The following CERS1 variants were observed in gnomAD, a reference collection of about 807,000 sequenced individuals.
CERS1 encodes ceramide synthase 1.
In CERS1, 16 loss-of-function variants were observed where a neutral mutation model predicts 35.7. That is an observed-to-expected ratio of 0.45 (90% CI 0.30 to 0.68). CERS1 has a LOEUF of 0.68. Among genes scored for constraint, CERS1 ranks in the 30% least tolerant of loss-of-function variants. CERS1 has a pLI of 0.08. For synonymous variants in CERS1, 243 were observed against 201.6 expected (o/e 1.21, Z -1.74); for missense variants, 454 against 453.9 (o/e 1.00, Z 0.00).
At position 18,886,405 on chromosome 19, in the gene CERS1, C is replaced by T. The variant is rs1047834333; in HGVS notation, c.410-2138G>A. ...TCTACTAAAAATACAAAAAATTAGC[C>T]GGGTGTGGTGGTGGGCGCCTGTGGT... is the stretch of plus-strand genomic sequence containing the variant. On this transcript the variant is annotated intron_variant, in intron 2 of 7. Coordinates refer to ENST00000623882, the MANE Select transcript of CERS1 (RefSeq NM_021267.5). Among the ~76,000 whole-genome samples the T allele has an allele frequency of 3.3e-5, 5 of 152,074 alleles. 1 individual carries two copies. The highest frequency in any genetic ancestry group is 3.4e-3 in the Middle Eastern group (1 of 294).
rs1344026515 is a variant in CERS1, at chr19:18,869,160, A to G, written c.*825T>C. The G allele has an allele frequency of 3.5e-6, 4 of 1,136,334 alleles. No homozygotes were observed. The Admixed American group carries it at 2.0e-4, about 57-fold the overall frequency. The allele number at this position is 1,136,334 out of a possible 1,614,324, so 70.4% of individuals were successfully genotyped here. On this transcript the variant is annotated 3_prime_UTR_variant, in exon 8 of 8. Transcript: ENST00000623882. Reference sequence around the variant, plus strand: ...ACTGGCGGCCCCAGGGCGGGCACCAACTGGCGGAGCAGCACCGGCCCGGGG... The same window carrying G: ...ACTGGCGGCCCCAGGGCGGGCACCAGCTGGCGGAGCAGCACCGGCCCGGGG...
At chr19:18,896,926 G>GT (rs950031647), upstream of CERS1, among the ~76,000 whole-genome samples, 38 of 141,106 alleles carry the variant, frequency 2.7e-4, no homozygotes, top group Admixed American at 5.7e-4. This position sits in a 1 kb window ranked among gnomAD's most constrained non-coding sequence, Gnocchi z 5.9. Context: ...GGGGAACCCG[G>GT]GGGGGGGGCT....
chr19:18,888,536 A>C (rs796537422), intron 2 of CERS1, among the ~76,000 whole-genome samples: 76 of 148,654 alleles, frequency 5.1e-4, no homozygotes, highest in African/African-American at 7.3e-4. Flanking sequence ...AAAAAAAAAA[A>C]AAAAAAAAAA....
intron 6 of CERS1, among the ~76,000 whole-genome samples, chr19:18,874,908 C>G (rs528697229): frequency 6.6e-6 from 1 of 152,274 alleles, no homozygotes; most frequent in African/African-American, 2.4e-5. Context: ...AAGTGGTTCT[C>G]GGTCTTGGTT....
chr19:18,890,809 T>TAAAGGC (rs1385713609), intron 2 of CERS1, among the ~76,000 whole-genome samples: 87 of 128,482 alleles, frequency 6.8e-4, no homozygotes, highest in African/African-American at 2.5e-3. Context: ...AAAAAGCAGC[T>TAAAGGC]AAAGGCAAGT....
rs1290308697 is a variant in CERS1, at chr19:18,893,549, C to T, written c.276G>A (p.Gln92=). The T allele has an allele frequency of 3.1e-6, 5 of 1,610,408 alleles. No individual in the cohort carries two copies. The highest frequency in any genetic ancestry group is 4.2e-6 in the Non-Finnish European group (5 of 1,178,768). ...FRPLAKRCCL[Q]PRDAAKMPES... ...CGGGCATCTTGGCGGCATCTCTGGG[C>T]TGGAGGCAGCACCGCTTCGCCAGGG... The change falls in exon 2 of 8, where the codon CAG becomes CAA. Residue 92 remains glutamine, a synonymous_variant. Coordinates refer to ENST00000623882, the MANE Select transcript of CERS1 (RefSeq NM_021267.5).
At chr19:18,871,422 A>G (rs1011187221) in intron 6 of CERS1, among the ~76,000 whole-genome samples, 4 of 151,364 alleles carry the variant, frequency 2.6e-5, no homozygotes, top group Non-Finnish European at 4.4e-5. Context: ...GGGTTTCACC[A>G]TATCACCCAA....
chr19:18,879,133 G>C, intron 5 of CERS1, 94 bp from the exon 6 acceptor site: 1 of 1,586,762 alleles, frequency 6.3e-7, no homozygotes, highest in East Asian at 2.3e-5. Context: ...CCCTCCACAC[G>C]GGCTGTCTGC....
Position 18,880,337 on chromosome 19 carries a change from CCGCCGCGGGA to C in CERS1, c.679_688del (p.Ser227AlafsTer65). 1 of 1,556,136 alleles carries C rather than the reference CCGCCGCGGGA, an allele frequency of 6.4e-7. No individual in the cohort carries two copies. Among genetic ancestry groups the C allele is most frequent in the Non-Finnish European group, 8.7e-7 (1 of 1,149,998 alleles). On this transcript the variant is annotated frameshift_variant, in exon 4 of 8. Coordinates refer to ENST00000623882, the MANE Select transcript of CERS1 (RefSeq NM_021267.5). LOFTEE classifies it high-confidence loss of function. The stretch of plus-strand genomic sequence containing the variant: ...CAAGGCATGCAGCCGATGGTAGGAG[CCGCCGCGGGA>C]CTTGAAGTAAATGTTGAGCTTGGTG...
At chr19:18,879,470 A>G in intron 4 of CERS1, 82 bp from the exon 5 acceptor site, 1 of 1,481,318 alleles carries the variant, frequency 6.8e-7, no homozygotes, top group Non-Finnish European at 9.1e-7. Flanking sequence ...TCCTAGACCC[A>G]CCCTTGCCCC....
chr19:18,875,836 T>C (rs73923175), intron 6 of CERS1, among the ~76,000 whole-genome samples: 13,886 of 152,130 alleles, frequency 0.091, 773 homozygotes, highest in Middle Eastern at 0.13. Flanking sequence ...ACTGGAGCAA[T>C]GCAGCCATAA....
At chr19:18,871,562 A>G (rs987717561) in intron 6 of CERS1, among the ~76,000 whole-genome samples, 1 of 152,012 alleles carries the variant, frequency 6.6e-6, no homozygotes. Flanking sequence ...TGAGGTCGCT[A>G]TGTTGTAGAG....
Position 18,868,941 on chromosome 19 carries a change from A to G in CERS1, c.*1044T>C. 7.9e-7 allele frequency: 1 copy of G among 1,269,468 alleles called. No homozygotes were observed. Among genetic ancestry groups the G allele is most frequent in the Non-Finnish European group, 1.0e-6 (1 of 1,001,650 alleles). 78.6% of individuals were successfully genotyped at this position (1,269,468 alleles called of 1,614,324 possible). On this transcript the variant is annotated 3_prime_UTR_variant, in exon 8 of 8. Coordinates refer to ENST00000623882, the MANE Select transcript of CERS1 (RefSeq NM_021267.5). The stretch of plus-strand genomic sequence containing the variant: ...CAAGCGCCCCCGGGGCCGCCGCCCA[A>G]CACGGGTTCGGCGTCGCGCCGCGGC...
At chr19:18,888,842 CAACA>C (rs1232064035) in intron 2 of CERS1, among the ~76,000 whole-genome samples, 1 of 150,454 alleles carries the variant, frequency 6.6e-6, no homozygotes, top group Non-Finnish European at 1.5e-5. Flanking sequence ...AAAAAACAAA[CAACA>C]AACAAACAAA....
At chr19:18,888,320 C>T (rs1436537665) in intron 2 of CERS1, among the ~76,000 whole-genome samples, 2 of 151,628 alleles carry the variant, frequency 1.3e-5, no homozygotes, top group Non-Finnish European at 2.9e-5. Context: ...GATGGTGCCA[C>T]CGCACTCCAG....
chr19:18,872,714 CCA>C (rs2055996409), intron 6 of CERS1, among the ~76,000 whole-genome samples: 3 of 62,776 alleles, frequency 4.8e-5, no homozygotes, highest in African/African-American at 1.9e-4. Flanking sequence ...TGCGGTTTTA[CCA>C]TGTTGGCCAG....
Position 18,896,005 on chromosome 19 carries a change from A to C in CERS1, c.68T>G (p.Val23Gly), listed in dbSNP as rs1359065344. ...PEPMPSYAQL[V>G]QRGWGSALAA... ...CAGCGCGCTGCCCCAGCCGCGCTGC[A>C]CTAGCTGCGCGTAGCTCGGCATGGG... The change falls in exon 1 of 8, where the codon GTG becomes GGG. Residue 23 changes from valine (V) to glycine (G), a missense_variant. Val to Gly is a moderately radical substitution (Grantham distance 109, BLOSUM62 -3). Coordinates refer to ENST00000623882, the MANE Select transcript of CERS1 (RefSeq NM_021267.5). The surrounding 1 kb of genome is among the most constrained non-coding windows in gnomAD (Gnocchi z 5.9). The C allele has an allele frequency of 4.9e-6, 5 of 1,017,636 alleles. No homozygotes were observed. In the South Asian group the frequency reaches 1.9e-4, roughly 39 times the overall value. 63.0% of individuals were successfully genotyped at this position (1,017,636 alleles called of 1,614,324 possible).
Position 18,868,573 on chromosome 19 carries a change from G to T in CERS1, c.*1412C>A, listed in dbSNP as rs374836827. 1 of 1,515,280 alleles carries T rather than the reference G, an allele frequency of 6.6e-7. No homozygotes were observed. Among genetic ancestry groups the T allele is most frequent in the Non-Finnish European group, 9.0e-7 (1 of 1,115,688 alleles). 93.9% of individuals were successfully genotyped at this position (1,515,280 alleles called of 1,614,324 possible). A position where few individuals can be genotyped will look rare whatever the true frequency, so the allele number is the denominator to read the frequency against. ...CAGACCACGCGGCATTTATTGTTGG[G>T]CCCGCGTCCCTGCCCGCCCCGGGTT... On this transcript the variant is annotated 3_prime_UTR_variant, in exon 8 of 8. Coordinates refer to ENST00000623882, the MANE Select transcript of CERS1 (RefSeq NM_021267.5).
chr19:18,884,708 TC>T (rs1351051584), intron 2 of CERS1, among the ~76,000 whole-genome samples: 2 of 78,042 alleles, frequency 2.6e-5, no homozygotes, highest in Non-Finnish European at 5.0e-5. Flanking sequence ...CGCCCAGCCG[TC>T]TTTTTTTTTT....
Sources: allele counts gnomAD v4.1 joint callset (sites outside exome capture counted in the v4.1 genomes callset), GRCh38; gene constraint gnomAD v4.1.1; non-coding constraint Gnocchi (gnomAD v3.1); transcripts MANE v1.5; gene names NCBI Gene and HGNC (gene_info 2026-07-23, HGNC 2026-07-21).